Variants in DSCAM observed in about 807,000 individuals in gnomAD.
DSCAM encodes DS cell adhesion molecule.
In DSCAM, 47 loss-of-function variants were observed where a neutral mutation model predicts 217.7. That is an observed-to-expected ratio of 0.22 (90% CI 0.17 to 0.28). The LOEUF is 0.28. DSCAM is among the 10% of genes least tolerant of loss of function. The pLI is 1.00. For missense variants in DSCAM, 2,080 were observed against 2,618.3 expected, an observed-to-expected ratio of 0.79 and a Z score of 4.49; for synonymous variants, 1,056 against 1,015.3, an observed-to-expected ratio of 1.04 and a Z score of -0.76.
chr21:40,187,126 C>T lies in DSCAM; in HGVS notation c.2779+5G>A. 6.2e-7 allele frequency: 1 copy of T among 1,612,788 alleles called. No individual in the cohort carries two copies. The highest frequency in any genetic ancestry group is 8.5e-7 in the Non-Finnish European group (1 of 1,179,482). On this transcript the variant is annotated splice_donor_5th_base_variant and intron_variant, in intron 14 of 32. Transcript: ENST00000400454. ...AAGGGAAGCTGGAGGAAGTAAAGAA[C>T]TTACCTGATTTATTTTTGCATTCAA...
At chr21:40,575,451 C>CA (rs1329893487) in intron 3 of DSCAM, among the ~76,000 whole-genome samples, 2 of 95,298 alleles carry the variant, frequency 2.1e-5, no homozygotes, top group East Asian at 6.1e-4. Context: ...ATAAGACAGA[C>CA]AATTAGATTA....
intron 6 of DSCAM, among the ~76,000 whole-genome samples, chr21:40,345,059 C>T (rs1170937509): frequency 2.6e-5 from 4 of 152,080 alleles, no homozygotes; most frequent in Admixed American, 2.6e-4. Flanking sequence ...TTGTATTAAA[C>T]AAATATGGTG....
chr21:40,332,428 C>G (rs771168282), intron 8 of DSCAM, among the ~76,000 whole-genome samples: 17 of 152,164 alleles, frequency 1.1e-4, no homozygotes, highest in Non-Finnish European at 2.4e-4. Context: ...TACAGAGTCA[C>G]TGTATTAATT....
At chr21:40,433,422 C>T (rs1177439911) in intron 3 of DSCAM, among the ~76,000 whole-genome samples, 1 of 151,078 alleles carries the variant, frequency 6.6e-6, no homozygotes, top group Non-Finnish European at 1.5e-5. Flanking sequence ...GAAAGCATAA[C>T]ATCTGCCTGT....
intron 1 of DSCAM, among the ~76,000 whole-genome samples, chr21:40,844,765 G>GTA (rs1351687705): frequency 1.3e-5 from 2 of 151,464 alleles, no homozygotes; most frequent in African/African-American, 4.9e-5. Flanking sequence ...CTAATAGTCT[G>GTA]TATCAGTATC....
At chr21:40,412,037 C>A (rs538609518) in intron 3 of DSCAM, among the ~76,000 whole-genome samples, 161 of 152,276 alleles carry the variant, frequency 1.1e-3, no homozygotes, top group African/African-American at 3.8e-3. Flanking sequence ...TAAGGGGAAA[C>A]CCGTTTCATT....
intron 9 of DSCAM, 43 bp downstream of exon 9, chr21:40,312,038 A>G (rs1189289842): frequency 1.9e-6 from 3 of 1,586,544 alleles, no homozygotes; most frequent in Non-Finnish European, 2.6e-6. Context: ...CCATTGTTAA[A>G]TCAACTCTAC....
At chr21:40,654,337 G>T (rs1167750309) in intron 3 of DSCAM, among the ~76,000 whole-genome samples, 1 of 152,110 alleles carries the variant, frequency 6.6e-6, no homozygotes, top group Non-Finnish European at 1.5e-5. Flanking sequence ...TCTGCTTTCT[G>T]GTGCTAGTAC....
chr21:40,487,304 CGTGTGT>C lies in DSCAM; in HGVS notation c.509-118065_509-118060del, dbSNP rs57837494. ...GTGTGCATGTGTGCGTGTGTGCGTG[CGTGTGT>C]GTGTGTGTGTGTGTGTGAGAGAGAG... is the stretch of plus-strand genomic sequence containing the variant. On this transcript the variant is annotated intron_variant, in intron 3 of 32. Transcript: ENST00000400454. 4.7e-3 allele frequency among the ~76,000 whole-genome samples: 660 copies of C among 141,878 alleles called. 3 individuals carry two copies. The highest frequency in any genetic ancestry group is 0.015 in the Middle Eastern group (4 of 268). 93.1% of individuals were successfully genotyped at this position (141,878 alleles called of 152,430 possible). A position where few individuals can be genotyped will look rare whatever the true frequency, so the allele number is the denominator to read the frequency against.
At chr21:40,820,531 A>G (rs1341645387) in intron 1 of DSCAM, among the ~76,000 whole-genome samples, 1 of 152,194 alleles carries the variant, frequency 6.6e-6, no homozygotes, top group African/African-American at 2.4e-5. Flanking sequence ...AACCTAGATG[A>G]CAGGTTGATA....
At chr21:40,101,633 A>G (rs2089752354) in intron 20 of DSCAM, among the ~76,000 whole-genome samples, 1 of 152,120 alleles carries the variant, frequency 6.6e-6, no homozygotes, top group Non-Finnish European at 1.5e-5. Flanking sequence ...GTCATGTAAC[A>G]GGGGCAATCC....
At chr21:40,715,886 T>G (rs2090836597) in intron 1 of DSCAM, among the ~76,000 whole-genome samples, 3 of 152,224 alleles carry the variant, frequency 2.0e-5, no homozygotes. Flanking sequence ...GAATTTATCC[T>G]CTTGTATCCT....
At chr21:40,337,072 C>T (rs938901338) in intron 8 of DSCAM, among the ~76,000 whole-genome samples, 1 of 152,034 alleles carries the variant, frequency 6.6e-6, no homozygotes, top group Non-Finnish European at 1.5e-5. Context: ...AATATATATG[C>T]CCCGTAATAA....
At chr21:40,676,712 CTT>C (rs2090344208) in intron 3 of DSCAM, among the ~76,000 whole-genome samples, 2 of 152,152 alleles carry the variant, frequency 1.3e-5, no homozygotes, top group African/African-American at 4.8e-5. Context: ...TGAATAAATC[CTT>C]GTGGATCATT....
At chr21:40,531,894 C>A (rs1311874887) in intron 3 of DSCAM, among the ~76,000 whole-genome samples, 2 of 152,184 alleles carry the variant, frequency 1.3e-5, no homozygotes, top group Non-Finnish European at 2.9e-5. Flanking sequence ...GTGGGTGTCA[C>A]TTTGAAGATG....
chr21:40,076,517 G>C (rs1050254539), intron 26 of DSCAM, among the ~76,000 whole-genome samples: 1 of 152,132 alleles, frequency 6.6e-6, no homozygotes, highest in African/African-American at 2.4e-5. Context: ...CTCTCTCAAG[G>C]AAAATATAAA....
chr21:40,692,738 C>T (rs558013744), intron 3 of DSCAM, 72 bp downstream of exon 3: 12 of 1,529,054 alleles, frequency 7.8e-6, no homozygotes, highest in East Asian at 2.3e-5. Flanking sequence ...AACGGAGACC[C>T]GATTCCATCT....
At chr21:40,736,320 C>T (rs1301159017) in intron 1 of DSCAM, among the ~76,000 whole-genome samples, 2 of 152,066 alleles carry the variant, frequency 1.3e-5, no homozygotes, top group African/African-American at 2.4e-5. Context: ...TGATTGATGA[C>T]ATCATTGGCC....
intron 30 of DSCAM, among the ~76,000 whole-genome samples, chr21:40,047,979 A>G (rs938900943): frequency 1.3e-5 from 2 of 152,146 alleles, no homozygotes; most frequent in Admixed American, 1.3e-4. Flanking sequence ...TACATATTCT[A>G]TATGTAGTAT....
Sources: allele counts gnomAD v4.1 joint callset (sites outside exome capture counted in the v4.1 genomes callset), GRCh38; gene constraint gnomAD v4.1.1; transcripts MANE v1.5; gene names NCBI Gene and HGNC (gene_info 2026-07-23, HGNC 2026-07-21).